The following ZSWIM5 variants were observed in gnomAD, a reference collection of about 807,000 sequenced individuals.
ZSWIM5 encodes the protein zinc finger SWIM-type containing 5.
In ZSWIM5, 55 loss-of-function variants were observed where a neutral mutation model predicts 119.6. The ratio of observed to expected loss-of-function variants is 0.46; its 90% CI spans 0.37 to 0.58. ZSWIM5 has a LOEUF of 0.58. ZSWIM5 is among the 20% of genes least tolerant of loss of function. The pLI is 0.00. For synonymous variants in ZSWIM5, 537 were observed against 606.9 expected (o/e 0.88, Z 1.69); for missense variants, 1,193 against 1,512.8 (o/e 0.79, Z 3.51).
rs370878178 is a variant in ZSWIM5 at position 45,206,092 on chromosome 1, C to T, written c.259G>A (p.Glu87Lys). 7.4e-6 allele frequency: 12 copies of T among 1,611,726 alleles called. No individual in the cohort carries two copies. The highest frequency in any genetic ancestry group is 1.7e-5 in the Admixed American group (1 of 59,938). The stretch of plus-strand genomic sequence containing the variant: ...CGCTGCACGGGCTCCGGGATCCGCT[C>T]GAAGCGCTCCTCCACCCGTTCGTAT... ...WAYERVEERFERIPEPVQRRI... is the reference protein window; with the variant it reads ...WAYERVEERFKRIPEPVQRRI... Residue 87 changes from glutamate to lysine, a missense_variant, in exon 1 of 14, where the codon GAG becomes AAG. Glu to Lys is a moderately conservative substitution (Grantham distance 56). This residue lies in a region of ZSWIM5 where 232 missense variants were observed against 222.9 expected (regional missense o/e 1.04). Transcript: ENST00000359600.
In ZSWIM5 at chr1:45,206,371, A is replaced by C; in HGVS notation, c.-21T>G. On this transcript the variant is annotated 5_prime_UTR_variant, in exon 1 of 14. Transcript: ENST00000359600. Reference sequence around the variant, plus strand: ...GCCATTGCTGGGGACTGACTGACTGACTGAGGCGGCGGCGGCTGCTCGGGC... The same window carrying C: ...GCCATTGCTGGGGACTGACTGACTGCCTGAGGCGGCGGCGGCTGCTCGGGC... The C allele has an allele frequency of 7.3e-7, 1 of 1,368,442 alleles. No homozygotes were observed. Among genetic ancestry groups the C allele is most frequent in the Non-Finnish European group, 9.4e-7 (1 of 1,062,764 alleles). The allele number at this position is 1,368,442 out of a possible 1,614,324, so 84.8% of individuals were successfully genotyped here.
intron 8 of ZSWIM5, among the ~76,000 whole-genome samples, chr1:45,036,713 G>A (rs951856808): frequency 1.3e-5 from 2 of 152,002 alleles, no homozygotes; most frequent in African/African-American, 4.8e-5. Flanking sequence ...GCTATCATAG[G>A]GAAGCTGAAT....
At chr1:45,103,562 AG>A (rs1254509056) in intron 1 of ZSWIM5, among the ~76,000 whole-genome samples, 5 of 152,236 alleles carry the variant, frequency 3.3e-5, no homozygotes, top group Non-Finnish European at 7.3e-5. Flanking sequence ...AACTTTGTAA[AG>A]GTAATTAGCA....
In ZSWIM5 at chr1:45,018,179, C is replaced by T. The variant is rs556150048; in HGVS notation, c.*275G>A. 3.0e-5 allele frequency: 15 copies of T among 496,546 alleles called. No individual in the cohort carries two copies. The East Asian group carries it at 3.2e-4, about 11-fold the overall frequency. The allele number at this position is 496,546 out of a possible 1,614,324, so 30.8% of individuals were successfully genotyped here. On this transcript the variant is annotated 3_prime_UTR_variant, in exon 14 of 14. Coordinates refer to ENST00000359600, the MANE Select transcript of ZSWIM5 (RefSeq NM_020883.2). The surrounding 1 kb of genome is among the most constrained non-coding windows in gnomAD (Gnocchi z 6.7). ...GGAGACAGGGCCAATGCTCAGGACA[C>T]GCAGGATATAGGGGCATGAGGTGGC...
chr1:45,036,108 G>A lies in ZSWIM5; in HGVS notation c.2086C>T (p.Leu696Phe), dbSNP rs749129402. Residue 696 changes from leucine (L) to phenylalanine (F), a missense_variant, in exon 9 of 14, where the codon CTC becomes TTC. This residue lies in a region of ZSWIM5 where 961 missense variants were observed against 1,290.0 expected (regional missense o/e 0.74). Coordinates refer to ENST00000359600, the MANE Select transcript of ZSWIM5 (RefSeq NM_020883.2). ...CRNEEQLLSQ[L>F]QELQLDDELV... The stretch of plus-strand genomic sequence containing the variant: ...TCATCGTCCAGCTGCAGCTCTTGGA[G>A]TTGGCTCAGGAGCTGCTCCTCATTA... The A allele has an allele frequency of 1.9e-6, 3 of 1,614,158 alleles. No individual in the cohort carries two copies. Among genetic ancestry groups the A allele is most frequent in the South Asian group, 2.2e-5 (2 of 91,082 alleles).
intron 11 of ZSWIM5, among the ~76,000 whole-genome samples, chr1:45,026,346 G>GT (rs1280296949): frequency 6.6e-6 from 1 of 151,748 alleles, no homozygotes; most frequent in Non-Finnish European, 1.5e-5. Flanking sequence ...GTAATTGTAG[G>GT]TTTTTTTGTA....
At chr1:45,104,343 C>T (rs1297946816) in intron 1 of ZSWIM5, among the ~76,000 whole-genome samples, 1 of 152,192 alleles carries the variant, frequency 6.6e-6, no homozygotes, top group East Asian at 1.9e-4. Flanking sequence ...CATATACTAT[C>T]GATACAAACA....
intron 11 of ZSWIM5, among the ~76,000 whole-genome samples, chr1:45,022,331 C>T (rs187005158): frequency 2.0e-5 from 3 of 151,944 alleles, no homozygotes; most frequent in East Asian, 2.0e-4. Flanking sequence ...GGGGTTTCAC[C>T]GTGTTAGCCA....
At chr1:45,061,161 T>G (rs921255811) in intron 2 of ZSWIM5, among the ~76,000 whole-genome samples, 1 of 152,162 alleles carries the variant, frequency 6.6e-6, no homozygotes, top group African/African-American at 2.4e-5. Flanking sequence ...TACTCACAGT[T>G]GAATCCCCAG....
At chr1:45,087,396 C>T (rs1645337199) in intron 2 of ZSWIM5, among the ~76,000 whole-genome samples, 1 of 152,214 alleles carries the variant, frequency 6.6e-6, no homozygotes, top group East Asian at 1.9e-4. Context: ...TGAACATAAA[C>T]TCTTTCTCCA....
chr1:45,154,334 C>A (rs779373652), intron 1 of ZSWIM5, among the ~76,000 whole-genome samples: 3 of 152,134 alleles, frequency 2.0e-5, no homozygotes, highest in Non-Finnish European at 4.4e-5. Flanking sequence ...CACCACATTA[C>A]CTGATTTCAA....
chr1:45,056,671 A>G (rs1185013330), intron 4 of ZSWIM5, among the ~76,000 whole-genome samples: 1 of 152,116 alleles, frequency 6.6e-6, no homozygotes, highest in Non-Finnish European at 1.5e-5. Context: ...CTGTAGAGAG[A>G]AAAAAGTTAA....
chr1:45,049,066 A>T (rs149312829), intron 5 of ZSWIM5, among the ~76,000 whole-genome samples: 1 of 152,238 alleles, frequency 6.6e-6, no homozygotes, highest in African/African-American at 2.4e-5. Flanking sequence ...GGGAGACAGA[A>T]GTTGCAGTGA....
intron 11 of ZSWIM5, among the ~76,000 whole-genome samples, chr1:45,031,343 AT>A (rs752455424): frequency 1.5e-3 from 210 of 143,664 alleles, no homozygotes; most frequent in East Asian, 8.8e-3. Flanking sequence ...TGCTCACGCA[AT>A]TTTTTTTTTT....
At chr1:45,202,077 T>C (rs1646161908) in intron 1 of ZSWIM5, among the ~76,000 whole-genome samples, 1 of 152,076 alleles carries the variant, frequency 6.6e-6, no homozygotes, top group Non-Finnish European at 1.5e-5. Flanking sequence ...AAAATTTCTA[T>C]GCTAAAAAGC....
intron 11 of ZSWIM5, among the ~76,000 whole-genome samples, chr1:45,029,209 G>T (rs1353349793): frequency 1.3e-5 from 2 of 152,194 alleles, no homozygotes; most frequent in Non-Finnish European, 2.9e-5. Context: ...ATAGCAAAAA[G>T]ATTTTATACA....
intron 1 of ZSWIM5, among the ~76,000 whole-genome samples, chr1:45,170,353 A>T (rs1645938771): frequency 6.6e-6 from 1 of 152,118 alleles, no homozygotes. Context: ...CCCTAAGAAG[A>T]GGTAACTACA....
intron 1 of ZSWIM5, among the ~76,000 whole-genome samples, chr1:45,161,211 TA>T (rs1182687779): frequency 6.6e-6 from 1 of 152,076 alleles, no homozygotes; most frequent in African/African-American, 2.4e-5. Context: ...GTGCTAATGA[TA>T]AACATCCAAG....
At chr1:45,064,659 A>T (rs1207381969) in intron 2 of ZSWIM5, among the ~76,000 whole-genome samples, 1 of 152,214 alleles carries the variant, frequency 6.6e-6, no homozygotes, top group Admixed American at 6.5e-5. Flanking sequence ...GTATATTCAC[A>T]ACACATAGAA....
Sources: gnomAD v4.1 joint callset for allele counts (sites outside exome capture counted in the v4.1 genomes callset) on GRCh38, gnomAD v4.1.1 for gene constraint, gnomAD v4.1.1 regional missense constraint, Gnocchi (gnomAD v3.1) non-coding constraint, MANE v1.5 for transcripts, NCBI Gene and HGNC (gene_info 2026-07-23, HGNC 2026-07-21) for gene names.